Variants in OR1J2 observed in about 807,000 individuals in gnomAD.
OR1J2 encodes olfactory receptor family 1 subfamily J member 2.
For missense variants in OR1J2, 304 were observed against 246.1 expected, an observed-to-expected ratio of 1.24 and a Z score of -1.57; for synonymous variants, 142 against 99.7, an observed-to-expected ratio of 1.42 and a Z score of -2.52.
the OR1J2 span, chr9:122,526,799 G>A: frequency 2.1e-3 from 3,365 of 1,614,078 alleles, 65 homozygotes; most frequent in African/African-American, 0.04. Flanking sequence ...TCACACAGAA[G>A]GACAACCGAG....
the OR1J2 span, among the ~76,000 whole-genome samples, chr9:122,469,549 C>A: frequency 2.0e-5 from 3 of 152,128 alleles, no homozygotes; most frequent in Non-Finnish European, 2.9e-5. Context: ...TAATACAGTA[C>A]ATTGGTACTG....
the OR1J2 span, among the ~76,000 whole-genome samples, chr9:122,548,446 A>C: frequency 1.3e-5 from 2 of 152,210 alleles, no homozygotes; most frequent in Non-Finnish European, 2.9e-5. Flanking sequence ...AAAACAGGCC[A>C]GAGCAATCTT....
chr9:122,552,336 G>A, the OR1J2 span, among the ~76,000 whole-genome samples: 90 of 152,268 alleles, frequency 5.9e-4, no homozygotes, highest in South Asian at 7.9e-3. Context: ...AAGTCAGGGC[G>A]ATACCTTTCA....
chr9:122,449,427 T>C, the OR1J2 span, among the ~76,000 whole-genome samples: 1 of 152,148 alleles, frequency 6.6e-6, no homozygotes, highest in Non-Finnish European at 1.5e-5. Flanking sequence ...TGGAGTGCAG[T>C]GGTGCGATCT....
chr9:122,532,385 C>T, the OR1J2 span, among the ~76,000 whole-genome samples: 1 of 152,022 alleles, frequency 6.6e-6, no homozygotes, highest in Non-Finnish European at 1.5e-5. Flanking sequence ...GTGGAACCGC[C>T]ATCAATAAAC....
the OR1J2 span, among the ~76,000 whole-genome samples, chr9:122,571,568 T>G: frequency 1.5e-5 from 2 of 137,260 alleles, no homozygotes; most frequent in African/African-American, 2.8e-5. Flanking sequence ...AAAAAAAAAT[T>G]AGCTGAGTGT....
At chr9:122,473,235 A>G in the OR1J2 span, among the ~76,000 whole-genome samples, 1 of 152,132 alleles carries the variant, frequency 6.6e-6, no homozygotes, top group Non-Finnish European at 1.5e-5. Context: ...TGTAACAAAC[A>G]TCTCAGCTCC....
the OR1J2 span, chr9:122,553,626 A>G: frequency 1.1e-5 from 18 of 1,613,940 alleles, no homozygotes; most frequent in African/African-American, 2.7e-5. Flanking sequence ...CAGCACATCT[A>G]TGAGTCCCCA....
chr9:122,541,959 A>T, the OR1J2 span, among the ~76,000 whole-genome samples: 1 of 152,342 alleles, frequency 6.6e-6, no homozygotes, highest in South Asian at 2.1e-4. Flanking sequence ...ACACTTCCAT[A>T]AAGCCAGAAC....
At chr9:122,551,936 A>G in the OR1J2 span, among the ~76,000 whole-genome samples, 3 of 151,238 alleles carry the variant, frequency 2.0e-5, no homozygotes, top group Non-Finnish European at 4.4e-5. Context: ...AGAGTTTTTT[A>G]TTATGAATTA....
the OR1J2 span, among the ~76,000 whole-genome samples, chr9:122,451,418 C>G: frequency 2.4e-4 from 36 of 152,092 alleles, no homozygotes; most frequent in Admixed American, 2.0e-4. Flanking sequence ...TTCCCAACCT[C>G]AGGTGATCCT....
the OR1J2 span, among the ~76,000 whole-genome samples, chr9:122,476,532 C>T: frequency 3.3e-5 from 5 of 151,950 alleles, no homozygotes; most frequent in African/African-American, 7.3e-5. Flanking sequence ...CAAACAGATG[C>T]AATAATAATA....
chr9:122,500,340 CCT>C, the OR1J2 span, among the ~76,000 whole-genome samples: 1 of 152,070 alleles, frequency 6.6e-6, no homozygotes, highest in African/African-American at 2.4e-5. Flanking sequence ...AGGCTCTCTG[CCT>C]CTCTCACGTA....
chr9:122,450,614 A>G, the OR1J2 span, among the ~76,000 whole-genome samples: 1 of 151,996 alleles, frequency 6.6e-6, no homozygotes, highest in African/African-American at 2.4e-5. Flanking sequence ...TCTAAAATCT[A>G]CTCTTTCAGC....
At chr9:122,488,433 C>T in the OR1J2 span, among the ~76,000 whole-genome samples, 19 of 152,238 alleles carry the variant, frequency 1.2e-4, no homozygotes, top group African/African-American at 3.9e-4. Context: ...GCCACCGCTC[C>T]TGGCCTATAC....
the OR1J2 span, among the ~76,000 whole-genome samples, chr9:122,466,763 A>T: frequency 6.6e-6 from 1 of 151,386 alleles, no homozygotes; most frequent in Admixed American, 6.6e-5. Flanking sequence ...CTTATGGGGG[A>T]TTTTCCCACT....
upstream of OR1J2, among the ~76,000 whole-genome samples, chr9:122,506,909 C>G (rs1290526682): frequency 6.6e-6 from 1 of 152,152 alleles, no homozygotes; most frequent in Non-Finnish European, 1.5e-5. Context: ...ATCTGAACAG[C>G]AAAGAATCCA....
the OR1J2 span, among the ~76,000 whole-genome samples, chr9:122,548,774 C>A: frequency 9.0e-6 from 1 of 110,542 alleles, no homozygotes; most frequent in Non-Finnish European, 1.8e-5. Context: ...CAACAGGCCC[C>A]GGTGTGTGAT....
At chr9:122,567,686 T>A in the OR1J2 span, 1 of 1,614,066 alleles carries the variant, frequency 6.2e-7, no homozygotes, top group Non-Finnish European at 8.5e-7. Context: ...CGTAGGTGGA[T>A]GGGGGCTGTA....
Sources: gnomAD v4.1 joint callset for allele counts (sites outside exome capture counted in the v4.1 genomes callset) on GRCh38, gnomAD v4.1.1 for gene constraint, MANE v1.5 for transcripts, NCBI Gene and HGNC (gene_info 2026-07-23, HGNC 2026-07-21) for gene names.